Variants in OSCP1 observed in about 807,000 individuals in gnomAD.
OSCP1 encodes organic solute carrier partner 1, also known as protein OSCP1.
OSCP1 carries 35 observed loss-of-function variants against 45.1 expected under a neutral mutation model. The observed-to-expected ratio is 0.78, with a 90% CI of 0.59 to 1.03. The LOEUF is 1.03. OSCP1 is among the 50% of genes least tolerant of loss of function. The pLI, the probability that OSCP1 is intolerant of heterozygous loss-of-function variation, is 0.00. For missense variants in OSCP1, 400 were observed against 470.7 expected (o/e 0.85, Z 1.39); for synonymous variants, 179 against 180.1 (o/e 0.99, Z 0.05).
chr1:36,422,503 T>G (rs1647701167), intron 6 of OSCP1, among the ~76,000 whole-genome samples: 1 of 152,196 alleles, frequency 6.6e-6, no homozygotes, highest in Non-Finnish European at 1.5e-5. Context: ...CTTTCTGGAT[T>G]TCCACTGCAA....
Position 36,450,373 on chromosome 1 carries a change from G to A in OSCP1, c.-4C>T, listed in dbSNP as rs989446501. 1 of 1,612,664 alleles carries A rather than the reference G, an allele frequency of 6.2e-7. No individual in the cohort carries two copies. Among genetic ancestry groups the A allele is most frequent in the African/African-American group, 1.3e-5 (1 of 74,888 alleles). ...GCGGTAGCGTCCGCACCGACATGGT[G>A]CTGGAAACGAGCTGGACTGGTGAAG... is the stretch of plus-strand genomic sequence containing the variant. On this transcript the variant is annotated 5_prime_UTR_variant, in exon 1 of 10. Transcript: ENST00000235532.
At chr1:36,428,267 G>T in intron 4 of OSCP1, 1 of 1,509,754 alleles carries the variant, frequency 6.6e-7, no homozygotes, top group South Asian at 1.4e-5. Context: ...GTCCATGGAA[G>T]GGAAATACAA....
Position 36,446,096 on chromosome 1 carries a change from C to T in OSCP1, c.112+4162G>A, listed in dbSNP as rs1394918553. Among the ~76,000 whole-genome samples the T allele has an allele frequency of 3.3e-5, 5 of 152,062 alleles. No homozygotes were observed. The East Asian group carries it at 7.7e-4, about 23-fold the overall frequency. On this transcript the variant is annotated intron_variant, in intron 1 of 9. Transcript: ENST00000235532. ...AGAGTGCAGTGGCGTGATCTCAGCT[C>T]ACTGCAACCTCTGCCTCCCGGGTTC...
intron 9 of OSCP1, 60 bp downstream of exon 9, chr1:36,418,926 CAAGAA>C: frequency 2.4e-5 from 31 of 1,265,456 alleles, no homozygotes; most frequent in East Asian, 1.0e-4. Context: ...GACCCTGTCT[CAAGAA>C]AAAAAAAAAA....
intron 2 of OSCP1, among the ~76,000 whole-genome samples, chr1:36,437,474 A>G (rs770266044): frequency 3.9e-5 from 6 of 152,144 alleles, no homozygotes; most frequent in Non-Finnish European, 7.3e-5. Flanking sequence ...AATGAGGCAG[A>G]ATTAAAGTTT....
chr1:36,441,350 A>G (rs1291360715), intron 1 of OSCP1, among the ~76,000 whole-genome samples: 1 of 152,244 alleles, frequency 6.6e-6, no homozygotes, highest in Non-Finnish European at 1.5e-5. Flanking sequence ...GGTACCAGAC[A>G]GTGAAATAAA....
intron 4 of OSCP1, among the ~76,000 whole-genome samples, chr1:36,429,046 AC>A (rs1249465289): frequency 6.6e-6 from 1 of 152,116 alleles, no homozygotes; most frequent in Non-Finnish European, 1.5e-5. Flanking sequence ...AGTAGTTCAG[AC>A]TACAGGCACT....
At chr1:36,420,819 A>G (rs1048842933) in intron 7 of OSCP1, among the ~76,000 whole-genome samples, 2 of 152,252 alleles carry the variant, frequency 1.3e-5, no homozygotes, top group Admixed American at 1.3e-4. Context: ...GCAACTTTGC[A>G]AACCAGAGAT....
intron 4 of OSCP1, among the ~76,000 whole-genome samples, chr1:36,429,480 G>A (rs1300861230): frequency 4.0e-5 from 6 of 149,182 alleles, no homozygotes; most frequent in Admixed American, 4.0e-4. Context: ...GTTAAATTGT[G>A]GCAGGAAACA....
At chr1:36,422,061 C>T (rs1218406701) in intron 7 of OSCP1, 89 bp downstream of exon 7, 15 of 1,299,940 alleles carry the variant, frequency 1.2e-5, no homozygotes, top group Admixed American at 8.5e-5. Flanking sequence ...TGGCTAGATC[C>T]GAAATCTAAA....
chr1:36,422,692 G>A, intron 6 of OSCP1, 76 bp downstream of exon 6: 7 of 1,300,904 alleles, frequency 5.4e-6, no homozygotes, highest in South Asian at 1.7e-5. Context: ...CAGAAGTCTG[G>A]CTGTTTCTCT....
At chr1:36,446,027 T>C (rs1649505972) in intron 1 of OSCP1, among the ~76,000 whole-genome samples, 1 of 149,876 alleles carries the variant, frequency 6.7e-6, no homozygotes, top group Non-Finnish European at 1.5e-5. Flanking sequence ...ATTTATTTTT[T>C]ATTTGTTTAT....
chr1:36,435,883 C>T (rs187742490), intron 2 of OSCP1, among the ~76,000 whole-genome samples: 10 of 151,978 alleles, frequency 6.6e-5, no homozygotes, highest in Admixed American at 3.3e-4. Context: ...CCGCCTGCCT[C>T]GGCCTCCCAA....
chr1:36,444,790 T>C (rs1483457916), intron 1 of OSCP1, among the ~76,000 whole-genome samples: 1 of 152,170 alleles, frequency 6.6e-6, no homozygotes, highest in Non-Finnish European at 1.5e-5. Context: ...CTATATAAAC[T>C]TCAAGCAACT....
In OSCP1 at chr1:36,431,864, C is replaced by T. The variant is rs1316920110; in HGVS notation, c.454G>A (p.Ala152Thr). 2 of 1,613,194 alleles carry T rather than the reference C, an allele frequency of 1.2e-6. No homozygotes were observed. The highest frequency in any genetic ancestry group is 1.3e-5 in the African/African-American group (1 of 74,816). Residue 152 changes from alanine to threonine, a missense_variant, in exon 4 of 10, where the codon GCA becomes ACA. Coordinates refer to ENST00000235532, the MANE Select transcript of OSCP1 (RefSeq NM_145047.5). ...QLTEIYGGLS[A>T]GEFQLIRQTL... ...TGCCGGATCAGCTGGAACTCCCCTG[C>T]AGAGAGACCACCATATATCTGCCAA... is the stretch of plus-strand genomic sequence containing the variant.
At chr1:36,445,183 C>T (rs1649441247) in intron 1 of OSCP1, among the ~76,000 whole-genome samples, 1 of 152,170 alleles carries the variant, frequency 6.6e-6, no homozygotes, top group Non-Finnish European at 1.5e-5. Context: ...AACCTCATCT[C>T]TACAAAAAAT....
intron 2 of OSCP1, 148 bp from the exon 3 acceptor site, chr1:36,432,737 C>T (rs76403041): frequency 0.082 from 70,209 of 851,852 alleles, 3,280 homozygotes; most frequent in Middle Eastern, 0.15. Context: ...ATCACCCAAA[C>T]CAAGACACTT....
chr1:36,418,304 G>A (rs765390197), intron 9 of OSCP1, 49 bp from the exon 10 acceptor site: 16 of 1,570,848 alleles, frequency 1.0e-5, no homozygotes, highest in Non-Finnish European at 1.4e-5. Flanking sequence ...TGTGCTGGCA[G>A]GCCGCCTCTT....
chr1:36,442,091 G>T (rs1361367993), intron 1 of OSCP1, among the ~76,000 whole-genome samples: 1 of 152,076 alleles, frequency 6.6e-6, no homozygotes, highest in African/African-American at 2.4e-5. Context: ...GCCAGGCGTG[G>T]TGGCTCATGC....
Sources: allele counts gnomAD v4.1 joint callset (sites outside exome capture counted in the v4.1 genomes callset), GRCh38; gene constraint gnomAD v4.1.1; transcripts MANE v1.5; gene names NCBI Gene and HGNC (gene_info 2026-07-23, HGNC 2026-07-21).